The following PRH1 variants were observed in gnomAD, a reference collection of about 807,000 sequenced individuals.
PRH1 encodes proline rich protein HaeIII subfamily 1.
PRH1 carries 7 observed loss-of-function variants against 7.9 expected under a neutral mutation model. The ratio of observed to expected loss-of-function variants is 0.89; its 90% CI spans 0.50 to 1.67. The LOEUF is 1.67. Ranked by LOEUF, PRH1 falls within the 40% of genes most tolerant of loss-of-function variation. The pLI is 0.00. For missense variants in PRH1, 109 were observed against 223.6 expected (o/e 0.49, Z 3.27); for synonymous variants, 45 against 80.8 (o/e 0.56, Z 2.38).
chr12:10,936,154 CACAT>C (rs1483593881), intron 2 of PRH1, among the ~76,000 whole-genome samples: 1 of 151,730 alleles, frequency 6.6e-6, no homozygotes, highest in Non-Finnish European at 1.5e-5. Context: ...CGCCCCCACA[CACAT>C]ACACACACCC....
intron 2 of PRH1, among the ~76,000 whole-genome samples, chr12:10,914,713 T>C (rs1405946132): frequency 2.0e-5 from 3 of 152,168 alleles, no homozygotes; most frequent in South Asian, 2.1e-4. Flanking sequence ...AATTTTATAC[T>C]ACTTTGCAAG....
intron 1 of PRH1, among the ~76,000 whole-genome samples, chr12:10,985,232 A>G (rs1939552066): frequency 6.6e-6 from 1 of 152,072 alleles, no homozygotes; most frequent in South Asian, 2.1e-4. Context: ...TATAGAAATG[A>G]CTTTTTTCTC....
At position 10,982,339 on chromosome 12, in the gene PRH1, C is replaced by T. The variant is rs551313644; in HGVS notation, c.-125-8618G>A. Among the ~76,000 whole-genome samples, 53 of 152,326 alleles carry T rather than the reference C, an allele frequency of 3.5e-4. 1 individual carries two copies. In the Middle Eastern group the frequency reaches 0.017, roughly 49 times the overall value. The stretch of plus-strand genomic sequence containing the variant: ...CCATTTTATATCTTTATTCAGTTAA[C>T]CTAACTGGCCTCTGTCAAAACCAGA... On this transcript the variant is annotated intron_variant, in intron 1 of 3. Transcript: ENST00000539853.
chr12:10,938,409 C>A, intron 2 of PRH1: 2 of 1,613,934 alleles, frequency 1.2e-6, no homozygotes, highest in Non-Finnish European at 1.7e-6. Context: ...ATTCCCATCA[C>A]CTGGGAAAGA....
intron 2 of PRH1, among the ~76,000 whole-genome samples, chr12:10,904,916 T>A (rs972967709): frequency 6.6e-6 from 1 of 151,832 alleles, no homozygotes; most frequent in African/African-American, 2.4e-5. Flanking sequence ...CAACAAATAT[T>A]TTAAAAGGCT....
At chr12:11,147,436 C>A (rs1464617340) in intron 1 of PRH1, among the ~76,000 whole-genome samples, 1 of 152,204 alleles carries the variant, frequency 6.6e-6, no homozygotes, top group Non-Finnish European at 1.5e-5. Context: ...AATCCACCTG[C>A]CTGGGCCTCC....
At chr12:11,120,488 T>C (rs570212126), downstream of PRH1, among the ~76,000 whole-genome samples, 2 of 152,284 alleles carry the variant, frequency 1.3e-5, no homozygotes, top group African/African-American at 4.8e-5. Flanking sequence ...TTCAACCCAG[T>C]AACTCTACAG....
intron 1 of PRH1, among the ~76,000 whole-genome samples, chr12:11,080,605 T>C (rs77709647): frequency 3.3e-3 from 296 of 90,294 alleles, no homozygotes; most frequent in Admixed American, 5.4e-3. Context: ...TCTTTATTGC[T>C]ATTTGCATAT....
chr12:11,153,016 G>A (rs941535246), intron 1 of PRH1, among the ~76,000 whole-genome samples: 4 of 152,112 alleles, frequency 2.6e-5, no homozygotes, highest in Admixed American at 2.6e-4. Context: ...GTTTCCAACG[G>A]TAAAGGAGAC....
At chr12:10,900,613 A>G (rs1949709787) in intron 2 of PRH1, among the ~76,000 whole-genome samples, 2 of 152,148 alleles carry the variant, frequency 1.3e-5, no homozygotes, top group African/African-American at 2.4e-5. Context: ...ATCCTATGTG[A>G]TGAGACTTGC....
intron 1 of PRH1, chr12:10,997,788 T>C (rs1940366880): frequency 1.2e-6 from 2 of 1,613,688 alleles, no homozygotes; most frequent in Non-Finnish European, 1.7e-6. Context: ...ATGAAATTTA[T>C]CAGTGCTATA....
In PRH1 at chr12:10,997,706, C is replaced by T. The variant is rs1407477217; in HGVS notation, c.-125-23985G>A. 1.2e-6 allele frequency: 2 copies of T among 1,613,658 alleles called. No individual in the cohort carries two copies. The highest frequency in any genetic ancestry group is 1.3e-5 in the African/African-American group (1 of 74,882). ...ATGTAATAATATTACCCAGAGCAAA[C>T]CAACTCTGGAGACTGCCAGAGCAGC... On this transcript the variant is annotated intron_variant, in intron 1 of 3. Transcript: ENST00000539853.
chr12:11,037,964 C>T (rs1174061083), intron 1 of PRH1, among the ~76,000 whole-genome samples: 1 of 152,222 alleles, frequency 6.6e-6, no homozygotes, highest in Non-Finnish European at 1.5e-5. Context: ...ATCACTTGAG[C>T]CCAGGTGGCG....
At chr12:10,986,814 A>G in intron 1 of PRH1, 1 of 1,569,728 alleles carries the variant, frequency 6.4e-7, no homozygotes, top group Non-Finnish European at 8.6e-7. Flanking sequence ...GAGAACAAAT[A>G]AAACCATTAT....
intron 1 of PRH1, among the ~76,000 whole-genome samples, chr12:11,130,144 G>A (rs754058494): frequency 3.1e-5 from 4 of 129,160 alleles, no homozygotes; most frequent in Non-Finnish European, 7.0e-5. Context: ...GAAAGAGACC[G>A]TGTCTCAAAA....
At chr12:10,985,125 T>G (rs1269075885) in intron 1 of PRH1, among the ~76,000 whole-genome samples, 1 of 152,052 alleles carries the variant, frequency 6.6e-6, no homozygotes, top group Non-Finnish European at 1.5e-5. Context: ...AAAAAAGGTT[T>G]TCTTTAACTC....
At chr12:11,103,840 G>A (rs1024083506) in intron 1 of PRH1, among the ~76,000 whole-genome samples, 2 of 121,682 alleles carry the variant, frequency 1.6e-5, no homozygotes, top group Non-Finnish European at 3.9e-5. Context: ...GCTGTTTATT[G>A]TATTTTAACA....
intron 1 of PRH1, chr12:11,133,539 G>A: frequency 6.2e-7 from 1 of 1,604,764 alleles, no homozygotes; most frequent in Admixed American, 1.7e-5. Context: ...GCACATAACA[G>A]AAGAAAGGAG....
intron 1 of PRH1, among the ~76,000 whole-genome samples, chr12:11,080,525 T>C (rs1944465444): frequency 8.6e-6 from 1 of 115,726 alleles, no homozygotes; most frequent in Non-Finnish European, 2.1e-5. Context: ...GTTCACATTC[T>C]CCTCACAGAC....
Sources: allele counts gnomAD v4.1 joint callset (sites outside exome capture counted in the v4.1 genomes callset), GRCh38; gene constraint gnomAD v4.1.1; transcripts MANE v1.5; gene names NCBI Gene and HGNC (gene_info 2026-07-23, HGNC 2026-07-21).